The following NME7 variants were observed in gnomAD, a reference collection of about 807,000 sequenced individuals.
NME7 encodes the protein nucleoside diphosphate kinase 7.
A neutral mutation model predicts 49.1 loss-of-function variants in NME7; 41 were observed. The ratio of observed to expected loss-of-function variants is 0.83; its 90% confidence interval spans 0.65 to 1.08. The LOEUF is 1.08. NME7 is among the 50% of genes least tolerant of loss of function. The pLI, the probability that NME7 is intolerant of heterozygous loss-of-function variation, is 0.00. For synonymous variants in NME7, 139 were observed against 150.6 expected (o/e 0.92, Z 0.56); for missense variants, 423 against 463.4 (o/e 0.91, Z 0.80).
intron 1 of NME7, among the ~76,000 whole-genome samples, chr1:169,363,131 C>T (rs891567958): frequency 2.0e-5 from 3 of 151,658 alleles, no homozygotes; most frequent in African/African-American, 7.3e-5. Flanking sequence ...CCTAGCTGCT[C>T]GGAAGGCTGA....
At chr1:169,319,714 G>C (rs529138451) in intron 3 of NME7, among the ~76,000 whole-genome samples, 7 of 152,026 alleles carry the variant, frequency 4.6e-5, no homozygotes, top group Middle Eastern at 3.4e-3. Context: ...AAAACAGGGG[G>C]GTCTTCCTTT....
intron 1 of NME7, among the ~76,000 whole-genome samples, chr1:169,354,731 TACAC>T (rs1352410279): frequency 2.1e-5 from 3 of 141,864 alleles, no homozygotes; most frequent in Middle Eastern, 3.8e-3. Context: ...TATACACACA[TACAC>T]ACACCTAGTA....
intron 3 of NME7, among the ~76,000 whole-genome samples, chr1:169,318,737 T>A (rs1046553715): frequency 6.6e-6 from 1 of 151,878 alleles, no homozygotes; most frequent in Admixed American, 6.6e-5. Flanking sequence ...GTTGAAGTCA[T>A]GGAGTACATA....
chr1:169,200,894 T>C lies in NME7; in HGVS notation c.990+29824A>G, dbSNP rs577185736. On this transcript the variant is annotated intron_variant, in intron 10 of 11. Coordinates refer to ENST00000367811, the MANE Select transcript of NME7 (RefSeq NM_013330.5). ...TTTTCAATGGCAATCATCTGATGCA[T>C]TGGCCTCACCATCCCTGAATGATAA... Among the ~76,000 whole-genome samples, 106 of 152,290 alleles carry C rather than the reference T, an allele frequency of 7.0e-4. 1 individual carries two copies. The South Asian group carries it at 0.021, about 30-fold the overall frequency.
chr1:169,353,877 G>C (rs1653279679), intron 1 of NME7, among the ~76,000 whole-genome samples: 1 of 151,918 alleles, frequency 6.6e-6, no homozygotes, highest in Non-Finnish European at 1.5e-5. Flanking sequence ...TTTTAAAAAA[G>C]TTTTATCCAA....
intron 11 of NME7, 55 bp from the exon 12 acceptor site, chr1:169,132,872 C>A: frequency 6.7e-7 from 1 of 1,485,834 alleles, no homozygotes. Context: ...GTCTTTTCCA[C>A]TTAACAGAGT....
intron 1 of NME7, among the ~76,000 whole-genome samples, chr1:169,348,375 A>C (rs1421401755): frequency 6.6e-6 from 1 of 151,966 alleles, no homozygotes; most frequent in Non-Finnish European, 1.5e-5. Context: ...AAAAAAAAAA[A>C]AAAACCCACA....
intron 10 of NME7, among the ~76,000 whole-genome samples, chr1:169,179,431 C>G (rs559824496): frequency 6.6e-6 from 1 of 152,088 alleles, no homozygotes; most frequent in Admixed American, 6.5e-5. Context: ...GCAGAAATAC[C>G]GTTTGACCCA....
At chr1:169,268,382 G>A (rs918656569) in intron 7 of NME7, among the ~76,000 whole-genome samples, 3 of 133,592 alleles carry the variant, frequency 2.2e-5, no homozygotes, top group Admixed American at 7.4e-5. Flanking sequence ...ACAGTGTGGC[G>A]ATTCCTCAAA....
At chr1:169,251,048 A>G (rs1648550904) in intron 7 of NME7, among the ~76,000 whole-genome samples, 1 of 151,546 alleles carries the variant, frequency 6.6e-6, no homozygotes, top group African/African-American at 2.4e-5. Flanking sequence ...TGTCTTGATG[A>G]TCTGTCTAGT....
chr1:169,196,415 T>G (rs997291273), intron 10 of NME7, among the ~76,000 whole-genome samples: 1 of 152,180 alleles, frequency 6.6e-6, no homozygotes, highest in Non-Finnish European at 1.5e-5. Context: ...TTTACTCATT[T>G]GTTGTCTGTC....
rs560249854 is a variant in NME7 at position 169,168,809 on chromosome 1, A to G, written c.1098+638T>C. On this transcript the variant is annotated intron_variant, in intron 11 of 11. Coordinates refer to ENST00000367811, the MANE Select transcript of NME7 (RefSeq NM_013330.5). The stretch of plus-strand genomic sequence containing the variant: ...TATATATATGTTATGCACTCATAAT[A>G]CACATTTTTTTCTATTTTTTTGATA... 4.8e-5 allele frequency: 22 copies of G among 454,226 alleles called. No individual in the cohort carries two copies. The Admixed American group carries it at 5.3e-4, about 11-fold the overall frequency. 28.1% of individuals were successfully genotyped at this position (454,226 alleles called of 1,614,324 possible). A position where few individuals can be genotyped will look rare whatever the true frequency, so the allele number is the denominator to read the frequency against.
intron 11 of NME7, among the ~76,000 whole-genome samples, chr1:169,152,475 C>A (rs570171503): frequency 6.6e-6 from 1 of 152,224 alleles, no homozygotes; most frequent in South Asian, 2.1e-4. Flanking sequence ...AAGTACTTAA[C>A]CCAGTCTGGG....
intron 6 of NME7, among the ~76,000 whole-genome samples, chr1:169,295,190 T>C (rs989116139): frequency 3.3e-5 from 5 of 152,140 alleles, no homozygotes; most frequent in Admixed American, 2.0e-4. Context: ...TAAACCTTTT[T>C]CCTTTATAAA....
rs1140523 is a variant in NME7, at chr1:169,324,483, G to A, written c.21C>T (p.Phe7=). MNHSER[F]VFIAEWYDPN... ...GATCATACCACTCTGCAATGAAAAC[G>A]AATCTTTCACTATGATTCTGCAAAG... Residue 7 remains phenylalanine, a synonymous_variant, in exon 2 of 12, where the codon TTC becomes TTT. Coordinates refer to ENST00000367811, the MANE Select transcript of NME7 (RefSeq NM_013330.5). 647,405 of 1,601,760 alleles carry A rather than the reference G, an allele frequency of 0.4. 139,515 individuals are homozygous for A. The highest frequency in any genetic ancestry group is 0.45 in the Non-Finnish European group (521,833 of 1,169,722).
intron 7 of NME7, among the ~76,000 whole-genome samples, chr1:169,276,955 C>T (rs1374901642): frequency 6.6e-6 from 1 of 150,486 alleles, no homozygotes; most frequent in Non-Finnish European, 1.5e-5. Context: ...ACCCAGTAGT[C>T]ATTCAGGAGC....
chr1:169,166,385 A>G (rs1482217629), intron 11 of NME7, among the ~76,000 whole-genome samples: 1 of 152,218 alleles, frequency 6.6e-6, no homozygotes, highest in Non-Finnish European at 1.5e-5. Context: ...ATAAGGTTTT[A>G]CAAATATCTT....
intron 11 of NME7, among the ~76,000 whole-genome samples, chr1:169,138,333 A>T (rs1473697121): frequency 5.3e-5 from 8 of 152,016 alleles, no homozygotes; most frequent in African/African-American, 1.9e-4. Flanking sequence ...TAAAAATAAA[A>T]AAAAGACTAA....
intron 1 of NME7, among the ~76,000 whole-genome samples, chr1:169,366,563 G>A (rs914915210): frequency 6.6e-6 from 1 of 152,180 alleles, no homozygotes; most frequent in African/African-American, 2.4e-5. Flanking sequence ...ACAACTGGAA[G>A]CGAAATGTAA....
Sources: gnomAD v4.1 joint callset for allele counts (sites outside exome capture counted in the v4.1 genomes callset) on GRCh38, gnomAD v4.1.1 for gene constraint, MANE v1.5 for transcripts, NCBI Gene and HGNC (gene_info 2026-07-23, HGNC 2026-07-21) for gene names.